LOC400499: variants seen among roughly 807,000 people sequenced by gnomAD.
At chr16:11,508,941 C>T in the LOC400499 span, 1 of 397,538 alleles carries the variant, frequency 2.5e-6, no homozygotes, top group Non-Finnish European at 4.4e-6. Context: ...CCCCCACCCC[C>T]TCCAGTGCTT....
the LOC400499 span, chr16:11,440,922 A>G: frequency 2.5e-6 from 1 of 399,104 alleles, no homozygotes; most frequent in Non-Finnish European, 4.4e-6. Context: ...GTGTCTGCCC[A>G]ATCTGGGGAC....
the LOC400499 span, chr16:11,448,950 T>A: frequency 6.7e-7 from 1 of 1,502,242 alleles, no homozygotes; most frequent in East Asian, 2.5e-5. Context: ...CGCTGTTAGG[T>A]TCAGCTCCTG....
chr16:11,407,970 G>GTTTTTTTTTTT, the LOC400499 span, among the ~76,000 whole-genome samples: 143 of 63,450 alleles, frequency 2.3e-3, 12 homozygotes, highest in African/African-American at 8.2e-3. Context: ...TTCCAGAGCT[G>GTTTTTTTTTTT]TTTTTTTTTT....
At chr16:11,478,320 G>A in the LOC400499 span, among the ~76,000 whole-genome samples, 7 of 151,932 alleles carry the variant, frequency 4.6e-5, no homozygotes, top group African/African-American at 7.2e-5. Context: ...GAGCCACTTC[G>A]CCGAACCAGA....
At chr16:11,372,743 A>T in the LOC400499 span, 1 of 983,118 alleles carries the variant, frequency 1.0e-6, no homozygotes, top group African/African-American at 1.7e-5. Flanking sequence ...CTCAAACTGT[A>T]AAGGAGAGAG....
the LOC400499 span, among the ~76,000 whole-genome samples, chr16:11,400,349 C>T: frequency 0.028 from 4,311 of 152,124 alleles, 213 homozygotes; most frequent in African/African-American, 0.098. Context: ...CTTCCCATCC[C>T]GGGGCCGCCT....
At chr16:11,514,571 G>T in the LOC400499 span, 156 of 399,834 alleles carry the variant, frequency 3.9e-4, no homozygotes, top group Non-Finnish European at 5.3e-4. Context: ...GACAGCTCAG[G>T]CCAGGATCTA....
the LOC400499 span, among the ~76,000 whole-genome samples, chr16:11,411,707 C>T: frequency 1.3e-5 from 2 of 152,120 alleles, no homozygotes; most frequent in Non-Finnish European, 2.9e-5. Context: ...AATGAGCTTT[C>T]TTGGGTTGGT....
the LOC400499 span, among the ~76,000 whole-genome samples, chr16:11,385,570 G>GC: frequency 2.0e-5 from 3 of 152,210 alleles, no homozygotes; most frequent in African/African-American, 7.2e-5. Flanking sequence ...GCAGCCAGAG[G>GC]CCCAGGGATC....
chr16:11,376,353 C>G, the LOC400499 span, among the ~76,000 whole-genome samples: 4 of 116,842 alleles, frequency 3.4e-5, no homozygotes, highest in Non-Finnish European at 8.1e-5. Context: ...TTGAGGTTTT[C>G]TTTTTTTTTT....
chr16:11,389,366 G>A, the LOC400499 span, among the ~76,000 whole-genome samples: 1 of 152,102 alleles, frequency 6.6e-6, no homozygotes, highest in Non-Finnish European at 1.5e-5. Flanking sequence ...AAGTAAGAAG[G>A]GTTTTTGTGT....
chr16:11,423,223 G>A, the LOC400499 span: 1 of 399,304 alleles, frequency 2.5e-6, no homozygotes, highest in Non-Finnish European at 4.4e-6. Flanking sequence ...CATCCTAACA[G>A]CTGGGTGGGC....
At chr16:11,497,925 A>C in the LOC400499 span, among the ~76,000 whole-genome samples, 1 of 151,888 alleles carries the variant, frequency 6.6e-6, no homozygotes, top group Admixed American at 6.6e-5. Context: ...GTCTGTTTAA[A>C]ATACTCACTT....
chr16:11,392,686 C>A, the LOC400499 span: 1 of 787,528 alleles, frequency 1.3e-6, no homozygotes, highest in African/African-American at 1.9e-5. Flanking sequence ...TCTGTCCCCT[C>A]CCCCGACACG....
At chr16:11,423,234 G>A in the LOC400499 span, 125,232 of 399,000 alleles carry the variant, frequency 0.31, 20,076 homozygotes, top group African/African-American at 0.36. Context: ...CTGGGTGGGC[G>A]AGGCGTCTCC....
the LOC400499 span, among the ~76,000 whole-genome samples, chr16:11,451,752 C>T: frequency 6.5e-3 from 997 of 152,274 alleles, 10 homozygotes; most frequent in Middle Eastern, 0.044. Context: ...GCAGGCAACC[C>T]ACCCCTGCTG....
the LOC400499 span, among the ~76,000 whole-genome samples, chr16:11,505,127 G>T: frequency 2.7e-5 from 4 of 149,304 alleles, no homozygotes; most frequent in African/African-American, 5.0e-5. Flanking sequence ...CTCTTAACAA[G>T]CATCCTATAT....
the LOC400499 span, chr16:11,446,455 G>C: frequency 8.4e-7 from 1 of 1,184,100 alleles, no homozygotes; most frequent in Non-Finnish European, 1.2e-6. Flanking sequence ...ACTGCACTCA[G>C]TCCAGATAAC....
At chr16:11,462,422 T>A in the LOC400499 span, 1 of 1,293,572 alleles carries the variant, frequency 7.7e-7, no homozygotes, top group Non-Finnish European at 9.8e-7. Context: ...TCTACACCGA[T>A]CCTTACCCAA....
Sources: gnomAD v4.1 joint callset for allele counts (sites outside exome capture counted in the v4.1 genomes callset) on GRCh38, gnomAD v4.1.1 for gene constraint, MANE v1.5 for transcripts.